The following EPHA6 variants were observed in gnomAD, a reference collection of about 807,000 sequenced individuals.
EPHA6 encodes the protein EPH receptor A6.
EPHA6 carries 50 observed loss-of-function variants against 112.0 expected under a neutral mutation model. That is an observed-to-expected ratio of 0.45 (90% confidence interval 0.36 to 0.56). The LOEUF is 0.56. Ranked by LOEUF, EPHA6 falls within the 20% of genes least tolerant of loss-of-function variation. The pLI, the probability that EPHA6 is intolerant of heterozygous loss-of-function variation, is 0.00. For synonymous variants in EPHA6, 529 were observed against 490.7 expected (o/e 1.08, Z -1.03); for missense variants, 1,280 against 1,417.4 (o/e 0.90, Z 1.56).
intron 11 of EPHA6, among the ~76,000 whole-genome samples, chr3:97,572,067 T>C (rs549208284): frequency 6.6e-6 from 1 of 152,106 alleles, no homozygotes; most frequent in South Asian, 2.1e-4. Flanking sequence ...TTTATCTATC[T>C]AAAGTAGAAG....
chr3:96,866,334 G>A (rs1413623955), intron 1 of EPHA6, among the ~76,000 whole-genome samples: 1 of 151,968 alleles, frequency 6.6e-6, no homozygotes, highest in Non-Finnish European at 1.5e-5. Flanking sequence ...TAATAATAAT[G>A]TAGTCAGTGC....
chr3:97,690,289 G>A (rs889685496), intron 14 of EPHA6, among the ~76,000 whole-genome samples: 2 of 152,144 alleles, frequency 1.3e-5, no homozygotes, highest in African/African-American at 4.8e-5. Context: ...CTAATTTCAG[G>A]ACATCCTGGC....
rs551881076 is a variant in EPHA6, at chr3:96,859,970, T to G, written c.386-6855T>G. Among the ~76,000 whole-genome samples, 14 of 152,294 alleles carry G rather than the reference T, an allele frequency of 9.2e-5. No individual in the cohort carries two copies. The South Asian group carries it at 2.9e-3, about 32-fold the overall frequency. On this transcript the variant is annotated intron_variant, in intron 1 of 17. Coordinates refer to ENST00000389672, the MANE Select transcript of EPHA6 (RefSeq NM_001080448.3). ...GCTATATATGCTATAAACTATGGCATGTGAGTTGACACAAAAATCCTAGTA... is the reference window on the plus strand; with the variant it reads ...GCTATATATGCTATAAACTATGGCAGGTGAGTTGACACAAAAATCCTAGTA...
At chr3:97,223,250 G>A (rs945511213) in intron 3 of EPHA6, among the ~76,000 whole-genome samples, 33 of 152,186 alleles carry the variant, frequency 2.2e-4, no homozygotes, top group African/African-American at 8.0e-4. Flanking sequence ...ATTTTACTGT[G>A]GAATGATTTA....
chr3:97,721,546 AG>A (rs2034526613), intron 15 of EPHA6, among the ~76,000 whole-genome samples: 1 of 152,188 alleles, frequency 6.6e-6, no homozygotes, highest in Non-Finnish European at 1.5e-5. Context: ...AGCAGGTTTG[AG>A]GCCAAACACA....
chr3:97,220,116 C>T (rs1181349279), intron 3 of EPHA6, among the ~76,000 whole-genome samples: 1 of 152,204 alleles, frequency 6.6e-6, no homozygotes, highest in African/African-American at 2.4e-5. Flanking sequence ...TCCTCATCTC[C>T]ATCTGAGCCC....
At chr3:96,968,821 C>A (rs571142914) in intron 2 of EPHA6, among the ~76,000 whole-genome samples, 51 of 151,844 alleles carry the variant, frequency 3.4e-4, no homozygotes, top group Admixed American at 3.3e-3. Flanking sequence ...CTCAAATATT[C>A]TTTTTCTTTC....
chr3:96,927,609 C>G (rs1002704739), intron 2 of EPHA6, among the ~76,000 whole-genome samples: 2 of 152,164 alleles, frequency 1.3e-5, no homozygotes, highest in Non-Finnish European at 2.9e-5. Context: ...TGCTCCAGTT[C>G]CCAATAATTT....
intron 3 of EPHA6, among the ~76,000 whole-genome samples, chr3:96,994,732 T>TATAGAGAGAGAGAGAGAGAGAG (rs1170197805): frequency 2.4e-5 from 2 of 82,218 alleles, no homozygotes; most frequent in Non-Finnish European, 4.3e-5. Flanking sequence ...TATATATATA[T>TATAGAGAGAGAGAGAGAGAGAG]AGAGAGAGAG....
intron 5 of EPHA6, among the ~76,000 whole-genome samples, chr3:97,352,965 A>G (rs527399663): frequency 1.6e-4 from 24 of 152,226 alleles, no homozygotes; most frequent in African/African-American, 5.8e-4. Context: ...AAAGTATCCT[A>G]AGGCAAAATA....
chr3:97,583,706 T>C (rs1447907627), intron 11 of EPHA6, among the ~76,000 whole-genome samples: 1 of 152,186 alleles, frequency 6.6e-6, no homozygotes, highest in African/African-American at 2.4e-5. Flanking sequence ...AGATGTCACT[T>C]CTTCATAAGT....
intron 10 of EPHA6, 25 bp downstream of exon 10, chr3:97,484,084 A>C: frequency 6.3e-7 from 1 of 1,582,874 alleles, no homozygotes; most frequent in Admixed American, 1.8e-5. Flanking sequence ...TACACTTTTG[A>C]ACAAAACATT....
chr3:97,501,194 A>G (rs1485468815), intron 10 of EPHA6, among the ~76,000 whole-genome samples: 6 of 152,186 alleles, frequency 3.9e-5, no homozygotes, highest in Admixed American at 2.0e-4. Flanking sequence ...AATAACTTCT[A>G]TTACCCAAGG....
chr3:97,618,347 C>A (rs757474654), intron 13 of EPHA6, among the ~76,000 whole-genome samples: 1 of 151,976 alleles, frequency 6.6e-6, no homozygotes, highest in Non-Finnish European at 1.5e-5. Context: ...AGTCATCAAC[C>A]TAACATCAAA....
chr3:97,688,232 G>C (rs763044853), intron 14 of EPHA6, among the ~76,000 whole-genome samples: 2 of 151,768 alleles, frequency 1.3e-5, no homozygotes, highest in Non-Finnish European at 1.5e-5. Context: ...TTATTTCTTC[G>C]AGTATATTTC....
chr3:97,666,714 A>G (rs777897482), intron 14 of EPHA6, among the ~76,000 whole-genome samples: 1 of 152,146 alleles, frequency 6.6e-6, no homozygotes, highest in African/African-American at 2.4e-5. Context: ...AAATCAAATC[A>G]TATTTGGAGG....
intron 2 of EPHA6, among the ~76,000 whole-genome samples, chr3:96,940,380 G>T (rs888737128): frequency 6.6e-6 from 1 of 152,058 alleles, no homozygotes; most frequent in Non-Finnish European, 1.5e-5. Context: ...TTTTATCTTT[G>T]TTAGTTTAAA....
chr3:97,255,791 A>G (rs1314773260), intron 5 of EPHA6, among the ~76,000 whole-genome samples: 2 of 152,202 alleles, frequency 1.3e-5, no homozygotes, highest in African/African-American at 4.8e-5. Context: ...CTCTTGCCTT[A>G]AATTGTTGAA....
chr3:96,973,619 T>A (rs1046917471), intron 2 of EPHA6, among the ~76,000 whole-genome samples: 3 of 151,136 alleles, frequency 2.0e-5, no homozygotes, highest in Non-Finnish European at 4.4e-5. Context: ...GGTTCAGGAG[T>A]TCGAGACCAG....
Sources: allele counts gnomAD v4.1 joint callset (sites outside exome capture counted in the v4.1 genomes callset), GRCh38; gene constraint gnomAD v4.1.1; transcripts MANE v1.5; gene names NCBI Gene and HGNC (gene_info 2026-07-23, HGNC 2026-07-21).